The following TMEM11 variants were observed in gnomAD, a reference collection of about 807,000 sequenced individuals.
TMEM11 encodes the protein transmembrane protein 11, also known as transmembrane protein 11, mitochondrial.
In TMEM11, 1 loss-of-function variant was observed where a neutral mutation model predicts 17.0. That is an observed-to-expected ratio of 0.06 (90% CI 0.02 to 0.28). The LOEUF is 0.28. TMEM11 is among the 10% of genes least tolerant of loss of function. The pLI is 1.00. For missense variants in TMEM11, 172 were observed against 252.9 expected (o/e 0.68, Z 2.17); for synonymous variants, 122 against 118.1 (o/e 1.03, Z -0.21).
chr17:21,198,890 T>C lies in TMEM11; in HGVS notation c.63-50A>G. ...GGAGAGAGAGAGAGAGACAGGATGA[T>C]TAGGCTGAGGAGCACTTAACTGTGT... On this transcript the variant is annotated intron_variant, in intron 1 of 1. Coordinates refer to ENST00000317635, the MANE Select transcript of TMEM11 (RefSeq NM_003876.3). This position sits in a 1 kb window ranked among gnomAD's most constrained non-coding sequence, Gnocchi z 6.5. 6.4e-7 allele frequency: 1 copy of C among 1,564,334 alleles called. No homozygotes were observed. The highest frequency in any genetic ancestry group is 1.2e-5 in the South Asian group (1 of 83,166).
chr17:21,202,943 A>C (rs1311443804), intron 1 of TMEM11, among the ~76,000 whole-genome samples: 1 of 152,232 alleles, frequency 6.6e-6, no homozygotes, highest in African/African-American at 2.4e-5. Flanking sequence ...CGGCGTCTTC[A>C]TATGGGCTGG....
At chr17:21,206,052 G>T (rs957538955) in intron 1 of TMEM11, among the ~76,000 whole-genome samples, 13 of 151,774 alleles carry the variant, frequency 8.6e-5, no homozygotes, top group Non-Finnish European at 1.5e-5. Flanking sequence ...TTTTTTGGGG[G>T]GGGGGTATAT....
intron 1 of TMEM11, among the ~76,000 whole-genome samples, chr17:21,206,593 G>C (rs1012041599): frequency 1.2e-4 from 18 of 151,904 alleles, no homozygotes; most frequent in Non-Finnish European, 2.4e-4. Context: ...CTGCAGTGCA[G>C]TGGCACAATC....
chr17:21,205,723 C>T (rs1278508809), intron 1 of TMEM11, among the ~76,000 whole-genome samples: 1 of 151,952 alleles, frequency 6.6e-6, no homozygotes. Flanking sequence ...AACCCCAAGC[C>T]CCTGCAAACT....
At chr17:21,209,489 G>A (rs573377908) in intron 1 of TMEM11, among the ~76,000 whole-genome samples, 11 of 152,294 alleles carry the variant, frequency 7.2e-5, no homozygotes, top group South Asian at 2.1e-4. Flanking sequence ...GTTCCTGGCC[G>A]GGCACAGTGG....
intron 1 of TMEM11, among the ~76,000 whole-genome samples, chr17:21,207,422 T>TG (rs1211178403): frequency 6.6e-6 from 1 of 151,812 alleles, no homozygotes; most frequent in East Asian, 1.9e-4. Context: ...CCCAGCTACT[T>TG]GAGACTGAGG....
chr17:21,203,608 G>A (rs1974907263), intron 1 of TMEM11, among the ~76,000 whole-genome samples: 1 of 151,830 alleles, frequency 6.6e-6, no homozygotes, highest in Non-Finnish European at 1.5e-5. Context: ...TCAGCAGGCT[G>A]AGGCACAAGA....
chr17:21,198,542 G>A lies in TMEM11; in HGVS notation c.361C>T (p.Leu121Phe). Residue 121 changes from leucine to phenylalanine, a missense_variant, in exon 2 of 2, where the codon CTC becomes TTC. By Grantham distance (22) the Leu-to-Phe change is conservative. This residue lies in a region of TMEM11 where 123 missense variants were observed against 213.6 expected (regional missense o/e 0.58). Transcript: ENST00000317635. The surrounding 1 kb of genome is among the most constrained non-coding windows in gnomAD (Gnocchi z 6.5). ...TCAAACTGCCAGGAGATCCCATAGA[G>A]GGTGCAGCAGGCCAGGCTCAGCACA... ...AGVLSLACCT[L>F]YGISWQFDPC... is the part of the protein sequence containing the mutation. 4 of 1,614,240 alleles carry A rather than the reference G, an allele frequency of 2.5e-6. No individual in the cohort carries two copies. Among genetic ancestry groups the A allele is most frequent in the African/African-American group, 1.3e-5 (1 of 75,050 alleles).
At chr17:21,209,354 G>A (rs55745900) in intron 1 of TMEM11, among the ~76,000 whole-genome samples, 64,104 of 152,146 alleles carry the variant, frequency 0.42, 14,082 homozygotes, top group Non-Finnish European at 0.49. Flanking sequence ...CGGGGCCAGA[G>A]GCCCTGGCTC....
chr17:21,213,988 G>T, intron 1 of TMEM11, 103 bp downstream of exon 1: 1 of 1,132,960 alleles, frequency 8.8e-7, no homozygotes, highest in Non-Finnish European at 1.2e-6. Context: ...GGGGGAGCGC[G>T]GGGAAACCAG....
intron 1 of TMEM11, among the ~76,000 whole-genome samples, chr17:21,203,682 G>C (rs1046167490): frequency 6.8e-5 from 7 of 102,268 alleles, no homozygotes; most frequent in Non-Finnish European, 1.2e-4. Context: ...ACTCCAGCCT[G>C]AATGACAGAA....
chr17:21,200,234 C>T (rs559728898), intron 1 of TMEM11, among the ~76,000 whole-genome samples: 1 of 152,366 alleles, frequency 6.6e-6, no homozygotes, highest in East Asian at 1.9e-4. Flanking sequence ...AAATTTCCCA[C>T]CCAAAGCAGA....
chr17:21,199,460 GGGAAAGAACGATTC>G (rs1339960473), intron 1 of TMEM11, among the ~76,000 whole-genome samples: 3 of 152,142 alleles, frequency 2.0e-5, no homozygotes, highest in Non-Finnish European at 2.9e-5. Context: ...GAGCCTAAAG[GGGAAAGAACGATTC>G]GGCACAGAAT....
At chr17:21,213,748 T>G in intron 1 of TMEM11, 1 of 300,446 alleles carries the variant, frequency 3.3e-6, no homozygotes, top group Non-Finnish European at 6.2e-6. Context: ...GAAGGGTGCT[T>G]CAGCAGCCGA....
At chr17:21,204,942 G>A (rs1396512811) in intron 1 of TMEM11, among the ~76,000 whole-genome samples, 4 of 152,184 alleles carry the variant, frequency 2.6e-5, no homozygotes, top group Admixed American at 1.3e-4. Flanking sequence ...GCTCTCTGCC[G>A]CCTCAGGATA....
At position 21,198,469 on chromosome 17, in the gene TMEM11, C is replaced by T. The variant is rs780357624; in HGVS notation, c.434G>A (p.Arg145His). The T allele has an allele frequency of 1.1e-5, 17 of 1,614,214 alleles. No individual in the cohort carries two copies. Among genetic ancestry groups the T allele is most frequent in the East Asian group, 2.2e-5 (1 of 44,884 alleles). Residue 145 changes from arginine to histidine, a missense_variant, in exon 2 of 2, where the codon CGC becomes CAC. This residue lies in a region of TMEM11 where 123 missense variants were observed against 213.6 expected (regional missense o/e 0.58). Coordinates refer to ENST00000317635, the MANE Select transcript of TMEM11 (RefSeq NM_003876.3). This position sits in a 1 kb window ranked among gnomAD's most constrained non-coding sequence, Gnocchi z 6.5. ...GGAGGTGAGTGTGTGCAGAGGCAGG[C>T]GCGACAGTTTATAGGCGTCGTACTC... ...QVEYDAYKLS[R>H]LPLHTLTSST...
At chr17:21,210,056 T>C (rs995612457) in intron 1 of TMEM11, among the ~76,000 whole-genome samples, 4 of 152,108 alleles carry the variant, frequency 2.6e-5, no homozygotes, top group Admixed American at 1.3e-4. Flanking sequence ...ACCTCGCTCA[T>C]TGAAGAACAG....
At chr17:21,200,411 T>C (rs966669567) in intron 1 of TMEM11, among the ~76,000 whole-genome samples, 1 of 152,358 alleles carries the variant, frequency 6.6e-6, no homozygotes. Context: ...TATCTGGGCC[T>C]TGACGGGGAC....
chr17:21,210,602 T>A (rs556790140), intron 1 of TMEM11, among the ~76,000 whole-genome samples: 2 of 152,338 alleles, frequency 1.3e-5, no homozygotes, highest in South Asian at 2.1e-4. Context: ...GTGCTCCATC[T>A]GCTCACTGGA....
Sources: gnomAD v4.1 joint callset for allele counts (sites outside exome capture counted in the v4.1 genomes callset) on GRCh38, gnomAD v4.1.1 for gene constraint, gnomAD v4.1.1 regional missense constraint, Gnocchi (gnomAD v3.1) non-coding constraint, MANE v1.5 for transcripts, NCBI Gene and HGNC (gene_info 2026-07-23, HGNC 2026-07-21) for gene names.